The following STYX variants were observed in gnomAD, a reference collection of about 807,000 sequenced individuals.
The protein encoded by STYX is serine/threonine/tyrosine interacting protein, also known as serine/threonine/tyrosine-interacting protein.
STYX carries 20 observed loss-of-function variants against 42.7 expected under a neutral mutation model. The observed-to-expected ratio is 0.47, with a 90% CI of 0.33 to 0.68. STYX has a LOEUF of 0.68. Ranked by LOEUF, STYX falls within the 30% of genes least tolerant of loss-of-function variation. The pLI is 0.02. For missense variants in STYX, 226 were observed against 268.5 expected (o/e 0.84, Z 1.11); for synonymous variants, 78 against 81.9 (o/e 0.95, Z 0.26).
At chr14:52,766,420 C>T (rs1166817835) in intron 9 of STYX, among the ~76,000 whole-genome samples, 2 of 152,128 alleles carry the variant, frequency 1.3e-5, no homozygotes, top group Non-Finnish European at 2.9e-5. Flanking sequence ...CTGCCTGCCT[C>T]GGCCTCCCAA....
chr14:52,774,889 G>A lies in STYX; in HGVS notation c.*3783G>A, dbSNP rs973061980. 4.6e-5 allele frequency: 7 copies of A among 152,128 alleles called. No individual in the cohort carries two copies. The highest frequency in any genetic ancestry group is 9.7e-5 in the African/African-American group (4 of 41,430). 9.4% of individuals were successfully genotyped at this position (152,128 alleles called of 1,614,324 possible). A position where few individuals can be genotyped will look rare whatever the true frequency, so the allele number is the denominator to read the frequency against. On this transcript the variant is annotated 3_prime_UTR_variant, in exon 11 of 11. Transcript: ENST00000354586. ...AAAATGCTTATGTCTGTATAGGAAT[G>A]TCACAGTGCAAGATGCTGCTAGCCC...
chr14:52,734,980 C>G lies in STYX; in HGVS notation c.57+4449C>G, dbSNP rs373062461. ...GCTGAGGCAGGAGAATGGCATGAACCCGGGAGGCGGAGCTTGCAGTGAGCC... is the reference window on the plus strand; with the variant it reads ...GCTGAGGCAGGAGAATGGCATGAACGCGGGAGGCGGAGCTTGCAGTGAGCC... On this transcript the variant is annotated intron_variant, in intron 1 of 10. Transcript: ENST00000354586. 7.0e-4 allele frequency among the ~76,000 whole-genome samples: 107 copies of G among 152,106 alleles called. 1 individual carries two copies. Among genetic ancestry groups the G allele is most frequent in the Non-Finnish European group, 1.1e-3 (78 of 67,990 alleles).
At chr14:52,738,837 C>A (rs1301510952) in intron 1 of STYX, among the ~76,000 whole-genome samples, 1 of 152,102 alleles carries the variant, frequency 6.6e-6, no homozygotes, top group Non-Finnish European at 1.5e-5. Context: ...AGCACCACAC[C>A]CAGACAAACT....
intron 1 of STYX, among the ~76,000 whole-genome samples, chr14:52,733,736 C>T (rs1026017814): frequency 6.6e-6 from 1 of 152,164 alleles, no homozygotes; most frequent in Non-Finnish European, 1.5e-5. Flanking sequence ...ATCCCAGTGT[C>T]ACCAGTAGAG....
At chr14:52,734,866 C>A (rs1045036094) in intron 1 of STYX, among the ~76,000 whole-genome samples, 1 of 152,032 alleles carries the variant, frequency 6.6e-6, no homozygotes. Context: ...TCAAGACCAT[C>A]CTGGCTAACA....
intron 8 of STYX, among the ~76,000 whole-genome samples, chr14:52,758,737 G>A (rs2139921254): frequency 6.6e-6 from 1 of 152,066 alleles, no homozygotes; most frequent in African/African-American, 2.4e-5. Context: ...CACCACGCCT[G>A]GCTAATTTTT....
At chr14:52,735,189 G>A (rs1880900712) in intron 1 of STYX, among the ~76,000 whole-genome samples, 1 of 152,176 alleles carries the variant, frequency 6.6e-6, no homozygotes, top group African/African-American at 2.4e-5. Context: ...CTTTCTCTCG[G>A]AGTCTCTGCT....
chr14:52,758,017 CCT>C (rs1491172304), intron 8 of STYX, 93 bp downstream of exon 8: 1 of 1,376,324 alleles, frequency 7.3e-7, no homozygotes, highest in Admixed American at 2.1e-5. Flanking sequence ...TTCTTATTCC[CCT>C]GATTATTTTT....
intron 9 of STYX, among the ~76,000 whole-genome samples, chr14:52,761,782 C>T (rs74837613): frequency 1.3e-5 from 2 of 149,788 alleles, no homozygotes; most frequent in Non-Finnish European, 3.0e-5. Context: ...TGGTGGCTCA[C>T]GCCTGTAATC....
At chr14:52,741,231 T>TTG (rs1881180686) in intron 1 of STYX, among the ~76,000 whole-genome samples, 1 of 116,738 alleles carries the variant, frequency 8.6e-6, no homozygotes, top group Non-Finnish European at 1.9e-5. Context: ...TATATATATA[T>TTG]TTTTTTTTTG....
intron 1 of STYX, among the ~76,000 whole-genome samples, chr14:52,744,069 C>G (rs1182463126): frequency 6.6e-6 from 1 of 152,210 alleles, no homozygotes; most frequent in Non-Finnish European, 1.5e-5. Flanking sequence ...AGCAATCTGC[C>G]TGCCTCGGCA....
intron 8 of STYX, among the ~76,000 whole-genome samples, chr14:52,759,351 T>C (rs1409555810): frequency 6.6e-6 from 1 of 152,138 alleles, no homozygotes; most frequent in African/African-American, 2.4e-5. Context: ...AAGTCCTGGC[T>C]TCAAGCAGTC....
At chr14:52,770,652 A>T (rs1320660700) in intron 10 of STYX, among the ~76,000 whole-genome samples, 2 of 152,140 alleles carry the variant, frequency 1.3e-5, no homozygotes, top group African/African-American at 4.8e-5. Flanking sequence ...ACAAAAAATT[A>T]TACAAATACA....
At chr14:52,730,608 G>T in intron 1 of STYX, 77 bp downstream of exon 1, 2 of 1,523,514 alleles carry the variant, frequency 1.3e-6, no homozygotes, top group Non-Finnish European at 8.9e-7. Context: ...GTCCCCAACC[G>T]TCTTAGCCGC....
At chr14:52,770,574 T>A (rs1037585073) in intron 10 of STYX, among the ~76,000 whole-genome samples, 2 of 152,100 alleles carry the variant, frequency 1.3e-5, no homozygotes, top group African/African-American at 4.8e-5. Flanking sequence ...TAGACTTCGA[T>A]AGCTTGAGTG....
Position 52,756,586 on chromosome 14 carries a change from A to G in STYX, c.278A>G (p.Glu93Gly). 6.6e-7 allele frequency: 1 copy of G among 1,523,744 alleles called. No homozygotes were observed. Among genetic ancestry groups the G allele is most frequent in the Non-Finnish European group, 8.9e-7 (1 of 1,122,130 alleles). The allele number at this position is 1,523,744 out of a possible 1,614,324, so 94.4% of individuals were successfully genotyped here. A position where few individuals can be genotyped will look rare whatever the true frequency, so the allele number is the denominator to read the frequency against. The change falls in exon 5 of 11, where the codon GAA (glutamate) becomes GGA (glycine). Residue 93 changes from glutamate (E) to glycine (G), a missense_variant. Coordinates refer to ENST00000354586, the MANE Select transcript of STYX (RefSeq NM_145251.4). ...CTGGATATTGCAGATAATCCAGTTG[A>G]AAATATAATACGTTTTTTCCCTATG... ...LVLDIADNPV[E>G]NIIRFFPMTK... is the part of the protein sequence containing the mutation.
chr14:52,761,109 A>C (rs532174223), intron 9 of STYX, among the ~76,000 whole-genome samples: 14 of 152,246 alleles, frequency 9.2e-5, no homozygotes, highest in African/African-American at 2.6e-4. Flanking sequence ...TGAGTGGAAC[A>C]CCTGAGGTCA....
rs1882434163 is a variant in STYX, at chr14:52,769,517, A to G, written c.598+584A>G. ...AGTAAGAACAGCTTATATACTTAGCACTGACCTGGAAATTGAGGACAGGTG... is the reference window on the plus strand; with the variant it reads ...AGTAAGAACAGCTTATATACTTAGCGCTGACCTGGAAATTGAGGACAGGTG... On this transcript the variant is annotated intron_variant, in intron 10 of 10. Transcript: ENST00000354586. Among the ~76,000 whole-genome samples, 3 of 152,124 alleles carry G rather than the reference A, an allele frequency of 2.0e-5. No homozygotes were observed. In the South Asian group the frequency reaches 6.3e-4, roughly 32 times the overall value.
chr14:52,759,725 C>T lies in STYX; in HGVS notation c.475C>T (p.Pro159Ser). Residue 159 changes from proline (P) to serine (S), a missense_variant, in exon 9 of 11, where the codon CCT becomes TCT. Pro to Ser is a moderately conservative substitution (Grantham distance 74). Coordinates refer to ENST00000354586, the MANE Select transcript of STYX (RefSeq NM_145251.4). ...YVQERRFCIN[P>S]NAGFVHQLQE... ...TCAAGAAAGAAGATTTTGTATTAAT[C>T]CTAATGCTGGATTTGTCCATCAACT... The T allele has an allele frequency of 6.2e-7, 1 of 1,611,394 alleles. No individual in the cohort carries two copies. The highest frequency in any genetic ancestry group is 8.5e-7 in the Non-Finnish European group (1 of 1,178,614).
Sources: gnomAD v4.1 joint callset for allele counts (sites outside exome capture counted in the v4.1 genomes callset) on GRCh38, gnomAD v4.1.1 for gene constraint, MANE v1.5 for transcripts, NCBI Gene and HGNC (gene_info 2026-07-23, HGNC 2026-07-21) for gene names.